The following SLC14A2 variants were observed in gnomAD, a reference collection of about 807,000 sequenced individuals.
SLC14A2 encodes urea transporter 2.
In SLC14A2, 91 loss-of-function variants were observed where a neutral mutation model predicts 104.6. That is an observed-to-expected ratio of 0.87 (90% confidence interval 0.73 to 1.04). The LOEUF is 1.04. Ranked by LOEUF, SLC14A2 falls within the 50% of genes least tolerant of loss-of-function variation. The pLI, the probability that SLC14A2 is intolerant of heterozygous loss-of-function variation, is 0.00. For synonymous variants in SLC14A2, 476 were observed against 466.4 expected, an observed-to-expected ratio of 1.02 and a Z score of -0.27; for missense variants, 1,189 against 1,156.0, an observed-to-expected ratio of 1.03 and a Z score of -0.41.
chr18:45,310,653 A>T (rs1261448323), intron 1 of SLC14A2, among the ~76,000 whole-genome samples: 1 of 152,224 alleles, frequency 6.6e-6, no homozygotes, highest in Non-Finnish European at 1.5e-5. Context: ...GGACAGAAAA[A>T]GTGGGTTTAC....
At chr18:45,578,032 C>T (rs1300895446) in intron 2 of SLC14A2, among the ~76,000 whole-genome samples, 1 of 152,162 alleles carries the variant, frequency 6.6e-6, no homozygotes, top group Non-Finnish European at 1.5e-5. Context: ...ATTTCTTTAG[C>T]CCTGTGGGCC....
the SLC14A2 span, among the ~76,000 whole-genome samples, chr18:45,203,175 G>A: frequency 1.3e-5 from 2 of 152,208 alleles, no homozygotes; most frequent in Admixed American, 1.3e-4. Context: ...ACCCACGTTA[G>A]TGCTGAGGGA....
intron 1 of SLC14A2, among the ~76,000 whole-genome samples, chr18:45,305,813 G>A (rs1452048154): frequency 6.6e-6 from 1 of 152,104 alleles, no homozygotes; most frequent in Admixed American, 6.5e-5. Context: ...AGACATGGCT[G>A]ATCCTGCTTG....
chr18:45,423,013 C>T (rs1010579622), intron 1 of SLC14A2, among the ~76,000 whole-genome samples: 3 of 152,130 alleles, frequency 2.0e-5, no homozygotes, highest in South Asian at 2.1e-4. Context: ...GACAGGAGCC[C>T]CTCCATTAGA....
intron 1 of SLC14A2, among the ~76,000 whole-genome samples, chr18:45,473,469 G>C (rs907325017): frequency 6.9e-6 from 1 of 144,080 alleles, no homozygotes; most frequent in Non-Finnish European, 1.6e-5. Flanking sequence ...ACTTTGGGCA[G>C]TATGGCCATT....
intron 1 of SLC14A2, among the ~76,000 whole-genome samples, chr18:45,421,345 T>A (rs1012674116): frequency 6.6e-6 from 1 of 152,078 alleles, no homozygotes; most frequent in African/African-American, 2.4e-5. Context: ...CCTCTTTGCA[T>A]TCATAGTTCA....
chr18:45,300,655 C>T (rs754449593), intron 1 of SLC14A2, among the ~76,000 whole-genome samples: 6 of 152,162 alleles, frequency 3.9e-5, no homozygotes, highest in Non-Finnish European at 7.3e-5. Context: ...TGTTGACTTA[C>T]TTTAATCTTA....
At chr18:45,524,596 T>A (rs188003691) in intron 2 of SLC14A2, among the ~76,000 whole-genome samples, 1 of 152,244 alleles carries the variant, frequency 6.6e-6, no homozygotes, top group Non-Finnish European at 1.5e-5. Flanking sequence ...TATATCCACA[T>A]CAGAAGGCCA....
intron 1 of SLC14A2, chr18:45,436,797 C>T (rs1000087135): frequency 3.3e-5 from 5 of 150,800 alleles, no homozygotes; most frequent in African/African-American, 9.7e-5. Flanking sequence ...AGATTTCTTT[C>T]TTTTTTTTTA....
At chr18:45,473,518 T>G (rs2087293131) in intron 1 of SLC14A2, among the ~76,000 whole-genome samples, 1 of 152,302 alleles carries the variant, frequency 6.6e-6, no homozygotes, top group African/African-American at 2.4e-5. Flanking sequence ...GCATCAAGTG[T>G]TTTTCCATTT....
intron 2 of SLC14A2, among the ~76,000 whole-genome samples, chr18:45,495,859 A>G (rs2043087778): frequency 6.6e-6 from 1 of 152,216 alleles, no homozygotes. Flanking sequence ...CGGAACGCCT[A>G]TGTCATGAGA....
At chr18:45,246,763 C>T (rs1257441879) in intron 1 of SLC14A2, among the ~76,000 whole-genome samples, 1 of 152,114 alleles carries the variant, frequency 6.6e-6, no homozygotes, top group East Asian at 1.9e-4. Flanking sequence ...ATAATCCCAG[C>T]ACTTTGGGAG....
chr18:45,186,497 G>A, the SLC14A2 span, among the ~76,000 whole-genome samples: 11 of 152,298 alleles, frequency 7.2e-5, no homozygotes, highest in South Asian at 6.2e-4. Flanking sequence ...AGAAGAAAAC[G>A]TAGGGGAAAA....
At chr18:45,669,626 CAT>C in intron 16 of SLC14A2, 128 bp downstream of exon 16, 1 of 742,926 alleles carries the variant, frequency 1.3e-6, no homozygotes, top group African/African-American at 1.8e-5. Flanking sequence ...AAGCATTCTA[CAT>C]ATATATCTCA....
chr18:45,320,390 A>G (rs1282873590), intron 1 of SLC14A2, among the ~76,000 whole-genome samples: 2 of 152,230 alleles, frequency 1.3e-5, no homozygotes, highest in African/African-American at 4.8e-5. Flanking sequence ...ATAAGTCACA[A>G]AACCCAAACT....
rs1343236236 is a variant in SLC14A2, at chr18:45,625,842, G to T, written c.310G>T (p.Glu104Ter). Residue 104 changes from glutamate to a stop codon, truncating the protein, a stop_gained, in exon 3 of 20, where the codon GAG becomes TAG. Transcript: ENST00000255226. LOFTEE classifies it high-confidence loss of function. ...AVGYLTGDMK[E>*]YRIWLKDKHL... ...GGGCTACCTCACGGGCGACATGAAG[G>T]AGTACAGGATCTGGCTGAAAGGTAG... 2 of 1,501,886 alleles carry T rather than the reference G, an allele frequency of 1.3e-6. No individual in the cohort carries two copies. The highest frequency in any genetic ancestry group is 2.9e-5 in the African/African-American group (2 of 68,680). 93.0% of individuals were successfully genotyped at this position (1,501,886 alleles called of 1,614,324 possible). A position where few individuals can be genotyped will look rare whatever the true frequency, so the allele number is the denominator to read the frequency against.
At chr18:45,677,809 T>C (rs2046251248) in intron 18 of SLC14A2, among the ~76,000 whole-genome samples, 1 of 152,140 alleles carries the variant, frequency 6.6e-6, no homozygotes, top group Non-Finnish European at 1.5e-5. Context: ...TCTCTTTTGT[T>C]TGTTTGTTTG....
At chr18:45,271,820 CA>C (rs1302186645) in intron 1 of SLC14A2, among the ~76,000 whole-genome samples, 2 of 151,988 alleles carry the variant, frequency 1.3e-5, no homozygotes, top group African/African-American at 2.4e-5. Flanking sequence ...TATCGAACCG[CA>C]AAAGACCCAG....
intron 2 of SLC14A2, among the ~76,000 whole-genome samples, chr18:45,583,825 TA>T (rs1175294315): frequency 6.6e-6 from 1 of 152,096 alleles, no homozygotes; most frequent in East Asian, 1.9e-4. Context: ...CTGACCTCAC[TA>T]AACACAGAAA....
Sources: allele counts gnomAD v4.1 joint callset (sites outside exome capture counted in the v4.1 genomes callset), GRCh38; gene constraint gnomAD v4.1.1; transcripts MANE v1.5; gene names NCBI Gene and HGNC (gene_info 2026-07-23, HGNC 2026-07-21).